PARD3: variants seen among roughly 807,000 people sequenced by gnomAD.
PARD3 encodes the protein par-3 family cell polarity regulator.
PARD3 carries 75 observed loss-of-function variants against 155.4 expected under a neutral mutation model. That is an observed-to-expected ratio of 0.48 (90% CI 0.40 to 0.58). The LOEUF (loss-of-function observed/expected upper bound fraction) is 0.58, where lower values mean the gene tolerates loss of function less well. Among genes scored for constraint, PARD3 ranks in the 20% least tolerant of loss-of-function variants. The probability of loss-of-function intolerance (pLI) is 0.00; values close to 1 mark genes in which losing one functional copy is unlikely to be tolerated. For missense variants in PARD3, 1,642 were observed against 1,721.7 expected (o/e 0.95, Z 0.82); for synonymous variants, 576 against 610.5 (o/e 0.94, Z 0.83).
chr10:34,698,707 T>C lies in PARD3; in HGVS notation c.121-2288A>G, dbSNP rs527961283. Among the ~76,000 whole-genome samples, 9 of 152,306 alleles carry C rather than the reference T, an allele frequency of 5.9e-5. No individual in the cohort carries two copies. In the South Asian group the frequency reaches 1.7e-3, roughly 28 times the overall value. On this transcript the variant is annotated intron_variant, in intron 1 of 24. Transcript: ENST00000374788. ...TAGGCATGAGCCACTGAGCCCAGCC[T>C]GTCCCACTGTTAATGTTCCTAAAAA...
At chr10:34,308,713 T>C (rs974004246) in intron 20 of PARD3, among the ~76,000 whole-genome samples, 9 of 152,080 alleles carry the variant, frequency 5.9e-5, no homozygotes, top group African/African-American at 2.2e-4. Flanking sequence ...TCCAAGAAAA[T>C]GTCCAGGCAG....
chr10:34,554,734 A>T (rs1037224246), intron 2 of PARD3, among the ~76,000 whole-genome samples: 2 of 152,206 alleles, frequency 1.3e-5, no homozygotes, highest in African/African-American at 2.4e-5. Context: ...CTCATTTTTT[A>T]AAAAATTATC....
At chr10:34,626,791 CCCTT>C (rs1024056361) in intron 2 of PARD3, among the ~76,000 whole-genome samples, 1 of 152,096 alleles carries the variant, frequency 6.6e-6, no homozygotes, top group African/African-American at 2.4e-5. Flanking sequence ...AAAAAACACT[CCCTT>C]CCTTCTAACT....
At chr10:34,350,983 T>C (rs1348245818) in intron 14 of PARD3, among the ~76,000 whole-genome samples, 1 of 152,220 alleles carries the variant, frequency 6.6e-6, no homozygotes, top group Non-Finnish European at 1.5e-5. Context: ...CTTTATTTCA[T>C]GTTGTGGTCA....
At chr10:34,507,829 T>C (rs746726777) in intron 3 of PARD3, among the ~76,000 whole-genome samples, 3 of 152,212 alleles carry the variant, frequency 2.0e-5, no homozygotes, top group Non-Finnish European at 4.4e-5. Flanking sequence ...ATATGCTGAA[T>C]AGAACTTGCA....
intron 2 of PARD3, among the ~76,000 whole-genome samples, chr10:34,553,799 T>C (rs191997129): frequency 1.3e-5 from 2 of 152,152 alleles, no homozygotes; most frequent in Non-Finnish European, 2.9e-5. Flanking sequence ...TCAAAAGAGG[T>C]CTAAGACACT....
chr10:34,510,948 T>A (rs748755464), intron 3 of PARD3, among the ~76,000 whole-genome samples: 1 of 152,248 alleles, frequency 6.6e-6, no homozygotes, highest in Non-Finnish European at 1.5e-5. Context: ...GTTTTATTCA[T>A]CAGCATACAA....
intron 2 of PARD3, among the ~76,000 whole-genome samples, chr10:34,541,127 G>GATTTTTAGA (rs1216545251): frequency 6.6e-6 from 1 of 152,132 alleles, no homozygotes; most frequent in Non-Finnish European, 1.5e-5. Context: ...ATTTTTAGAA[G>GATTTTTAGA]ACAAAGCCAC....
At chr10:34,297,239 G>A (rs146097369) in intron 20 of PARD3, among the ~76,000 whole-genome samples, 1 of 152,218 alleles carries the variant, frequency 6.6e-6, no homozygotes, top group Admixed American at 6.5e-5. Flanking sequence ...AGAGTTTGAG[G>A]CTGTGATGAG....
chr10:34,622,086 A>T (rs2132719089), intron 2 of PARD3, among the ~76,000 whole-genome samples: 1 of 152,368 alleles, frequency 6.6e-6, no homozygotes, highest in East Asian at 1.9e-4. Context: ...TATTTTACTT[A>T]AATCAAGCTT....
intron 3 of PARD3, among the ~76,000 whole-genome samples, chr10:34,493,716 AAG>A (rs2080074590): frequency 6.6e-6 from 1 of 151,810 alleles, no homozygotes; most frequent in Admixed American, 6.6e-5. Flanking sequence ...TGGGCGACAA[AAG>A]CGAAACTCTG....
intron 21 of PARD3, among the ~76,000 whole-genome samples, chr10:34,275,987 C>T (rs899484921): frequency 1.3e-5 from 2 of 152,044 alleles, no homozygotes; most frequent in African/African-American, 4.8e-5. Context: ...CAAAACCCAG[C>T]AAAAGACATA....
At chr10:34,810,658 C>G (rs6481914) in intron 1 of PARD3, among the ~76,000 whole-genome samples, 53,652 of 152,012 alleles carry the variant, frequency 0.35, 10,643 homozygotes, top group African/African-American at 0.55. Flanking sequence ...TTTAAGTAAA[C>G]AGGAAAAATC....
At chr10:34,571,094 T>G (rs2086356581) in intron 2 of PARD3, among the ~76,000 whole-genome samples, 1 of 152,148 alleles carries the variant, frequency 6.6e-6, no homozygotes, top group Non-Finnish European at 1.5e-5. Flanking sequence ...AAGGATTGCT[T>G]GAGGCCAGGA....
intron 19 of PARD3, among the ~76,000 whole-genome samples, chr10:34,328,888 G>C (rs566277548): frequency 1.3e-5 from 2 of 152,250 alleles, no homozygotes; most frequent in East Asian, 3.9e-4. Flanking sequence ...TCAGAAGACT[G>C]GTATGCAAAA....
rs745359498 is a variant in PARD3 at position 34,284,226 on chromosome 10, C to G, written c.3085G>C (p.Asp1029His). The part of the protein sequence containing the change: ...DMFRFGKHRK[D>H]DKIEKTGKIK... ...TTACCCGTTTTCTCAATCTTGTCAT[C>G]TTTTCGATGTTTGCCAAACCTGTTA... Residue 1029 changes from aspartate (D) to histidine (H), a missense_variant, in exon 21 of 25, where the codon GAT (aspartate) becomes CAT (histidine). Asp to His is a moderately conservative substitution (Grantham distance 81). Transcript: ENST00000374788. 6.2e-7 allele frequency: 1 copy of G among 1,608,678 alleles called. No individual in the cohort carries two copies. The highest frequency in any genetic ancestry group is 1.7e-5 in the Admixed American group (1 of 59,274).
chr10:34,249,354 A>G (rs1954153219), intron 22 of PARD3, among the ~76,000 whole-genome samples: 1 of 152,164 alleles, frequency 6.6e-6, no homozygotes, highest in East Asian at 1.9e-4. Flanking sequence ...ATTCCTTAAC[A>G]TTTAGGAATT....
intron 5 of PARD3, among the ~76,000 whole-genome samples, chr10:34,429,143 A>G (rs1398461281): frequency 6.6e-6 from 1 of 152,134 alleles, no homozygotes; most frequent in Non-Finnish European, 1.5e-5. Flanking sequence ...CAGAACTTGA[A>G]AAAGACTTAG....
chr10:34,641,437 C>T (rs970508802), intron 2 of PARD3, among the ~76,000 whole-genome samples: 1 of 152,206 alleles, frequency 6.6e-6, no homozygotes, highest in African/African-American at 2.4e-5. Context: ...TCTGCAATGG[C>T]GGAACCTGAA....
Sources: gnomAD v4.1 joint callset for allele counts (sites outside exome capture counted in the v4.1 genomes callset) on GRCh38, gnomAD v4.1.1 for gene constraint, MANE v1.5 for transcripts, NCBI Gene and HGNC (gene_info 2026-07-23, HGNC 2026-07-21) for gene names.